Variants in COL6A5 observed in about 807,000 individuals in gnomAD.
COL6A5 encodes the protein collagen type VI alpha 5 chain.
A neutral mutation model predicts 65.6 loss-of-function variants in COL6A5; 48 were observed. The ratio of observed to expected loss-of-function variants is 0.73; its 90% confidence interval spans 0.58 to 0.93. The LOEUF is 0.93. Ranked by LOEUF, COL6A5 falls within the 40% of genes least tolerant of loss-of-function variation. COL6A5 has a pLI of 0.00. For synonymous variants in COL6A5, 291 were observed against 322.8 expected (o/e 0.90, Z 1.05); for missense variants, 914 against 928.3 (o/e 0.98, Z 0.20).
chr3:130,432,022 G>A, intron 1 of COL6A5, 73 bp downstream of exon 33: 1 of 1,442,398 alleles, frequency 6.9e-7, no homozygotes, highest in Non-Finnish European at 9.3e-7. Flanking sequence ...GGATGGGAGT[G>A]GTAGAGAGTC....
At chr3:130,471,884 G>T (rs1208942329) in intron 7 of COL6A5, 4 of 1,534,682 alleles carry the variant, frequency 2.6e-6, no homozygotes, top group Non-Finnish European at 3.5e-6. Context: ...ACATTTAGAA[G>T]AAATTTCAGC....
chr3:130,462,882 C>T (rs1577534660), intron 5 of COL6A5, among the ~76,000 whole-genome samples: 1 of 152,080 alleles, frequency 6.6e-6, no homozygotes, highest in East Asian at 1.9e-4. Context: ...CATGTTTCTG[C>T]TAGAATCTCA....
At chr3:130,409,672 A>G (rs1937110803) in intron 18 of COL6A5, among the ~76,000 whole-genome samples, 1 of 152,126 alleles carries the variant, frequency 6.6e-6, no homozygotes, top group Admixed American at 6.6e-5. Context: ...CAGATTCACT[A>G]TTTGCAGACT....
chr3:130,356,744 T>G (rs933134372), intron 1 of COL6A5, among the ~76,000 whole-genome samples: 8 of 152,150 alleles, frequency 5.3e-5, no homozygotes, highest in Non-Finnish European at 1.2e-4. Context: ...TGATTTTCAA[T>G]TGAAGAAATT....
intron 2 of COL6A5, 96 bp from the exon 3 acceptor site, chr3:130,376,141 A>C: frequency 7.9e-7 from 1 of 1,272,580 alleles, no homozygotes; most frequent in Non-Finnish European, 1.0e-6. Context: ...TCTGATATAC[A>C]CTTAACACCA....
chr3:130,379,461 C>T (rs771222630), exon 4 of COL6A5: 5 of 1,551,178 alleles, frequency 3.2e-6, no homozygotes, highest in South Asian at 1.2e-5. Flanking sequence ...TCGCTGACCT[C>T]GTGTTCCTGG....
intron 4 of COL6A5, among the ~76,000 whole-genome samples, chr3:130,444,609 G>A (rs983665255): frequency 1.8e-4 from 28 of 152,128 alleles, no homozygotes; most frequent in African/African-American, 3.1e-4. Flanking sequence ...AGGCTTAGTC[G>A]TTCTCTCGAT....
intron 7 of COL6A5, 131 bp downstream of exon 40, chr3:130,472,057 T>C: frequency 1.1e-6 from 1 of 915,784 alleles, no homozygotes; most frequent in Non-Finnish European, 1.6e-6. Context: ...GAGGGGCTTA[T>C]CGTCTAAGGA....
chr3:130,364,987 A>G (rs1332545663), intron 1 of COL6A5, among the ~76,000 whole-genome samples: 1 of 152,222 alleles, frequency 6.6e-6, no homozygotes, highest in Non-Finnish European at 1.5e-5. Context: ...TGCTCAGTTG[A>G]TGTCATCAAA....
At chr3:130,470,705 G>T (rs907568283) in intron 6 of COL6A5, among the ~76,000 whole-genome samples, 166 bp from the exon 39 acceptor site, 6 of 151,960 alleles carry the variant, frequency 3.9e-5, no homozygotes, top group Admixed American at 1.3e-4. Flanking sequence ...TCTTGACTTT[G>T]CCAAGAACAA....
At chr3:130,482,364 G>A (rs1397725977) in intron 7 of COL6A5, among the ~76,000 whole-genome samples, 4 of 151,644 alleles carry the variant, frequency 2.6e-5, no homozygotes, top group Non-Finnish European at 5.9e-5. Flanking sequence ...TAGATGCATG[G>A]CATTATTTCT....
chr3:130,371,490 A>G (rs549113155), intron 1 of COL6A5, among the ~76,000 whole-genome samples: 1 of 152,332 alleles, frequency 6.6e-6, no homozygotes, highest in South Asian at 2.1e-4. Flanking sequence ...GATGAATAGA[A>G]TACAATTGAG....
chr3:130,475,693 G>A (rs1710075699), intron 7 of COL6A5, among the ~76,000 whole-genome samples: 1 of 152,086 alleles, frequency 6.6e-6, no homozygotes, highest in Non-Finnish European at 1.5e-5. Flanking sequence ...ATACTGGGCA[G>A]GTGAAATTAA....
chr3:130,390,392 T>A (rs1282237421), intron 6 of COL6A5, among the ~76,000 whole-genome samples: 1 of 152,114 alleles, frequency 6.6e-6, no homozygotes, highest in Non-Finnish European at 1.5e-5. Context: ...ACTTTATTAT[T>A]AGAAATAAGA....
At chr3:130,352,355 T>TA (rs924760656) in intron 1 of COL6A5, among the ~76,000 whole-genome samples, 7 of 151,364 alleles carry the variant, frequency 4.6e-5, no homozygotes, top group African/African-American at 1.7e-4. Flanking sequence ...TTGTGGGTAG[T>TA]AGGTAGTAGA....
intron 4 of COL6A5, among the ~76,000 whole-genome samples, chr3:130,445,027 A>ATTT (rs1709274976): frequency 2.6e-5 from 4 of 152,186 alleles, no homozygotes; most frequent in African/African-American, 9.6e-5. Flanking sequence ...AGACTGTCTT[A>ATTT]AATCATTAAT....
In COL6A5 at chr3:130,421,211, T is replaced by G. The variant is rs1937511496; in HGVS notation, c.5001+8T>G. On this transcript the variant is annotated splice_region_variant and intron_variant and NMD_transcript_variant, in intron 26 of 41. Coordinates refer to the COL6A5 transcript ENST00000312481. ...GGACGAAAAGGAGTAAAGGTAAATATGGAAATCAATTATTTTTATTCATTG... is the reference window on the plus strand; with the variant it reads ...GGACGAAAAGGAGTAAAGGTAAATAGGGAAATCAATTATTTTTATTCATTG... The G allele has an allele frequency of 6.5e-7, 1 of 1,550,300 alleles. No homozygotes were observed. Among genetic ancestry groups the G allele is most frequent in the South Asian group, 1.2e-5 (1 of 84,040 alleles).
At chr3:130,380,493 A>C (rs773756411) in intron 4 of COL6A5, among the ~76,000 whole-genome samples, 5 of 151,958 alleles carry the variant, frequency 3.3e-5, no homozygotes, top group African/African-American at 9.7e-5. Flanking sequence ...ATTCATGCAC[A>C]CATAGACAAA....
At chr3:130,373,014 A>G (rs1030728662) in intron 1 of COL6A5, among the ~76,000 whole-genome samples, 13 of 152,190 alleles carry the variant, frequency 8.5e-5, no homozygotes, top group African/African-American at 3.1e-4. Flanking sequence ...ATGTGGAAAA[A>G]CCAAACCTAA....
Sources: gnomAD v4.1 joint callset for allele counts (sites outside exome capture counted in the v4.1 genomes callset) on GRCh38, gnomAD v4.1.1 for gene constraint, MANE v1.5 for transcripts, NCBI Gene and HGNC (gene_info 2026-07-23, HGNC 2026-07-21) for gene names.